RNGTT: variants seen among roughly 807,000 people sequenced by gnomAD.
RNGTT encodes RNA guanylyltransferase and 5'-phosphatase, also known as mRNA-capping enzyme.
A neutral mutation model predicts 79.3 loss-of-function variants in RNGTT; 33 were observed. The observed-to-expected ratio is 0.42, with a 90% CI of 0.32 to 0.56. RNGTT has a LOEUF of 0.56. Ranked by LOEUF, RNGTT falls within the 20% of genes least tolerant of loss-of-function variation. RNGTT has a pLI of 0.17. For missense variants in RNGTT, 497 were observed against 739.1 expected (o/e 0.67, Z 3.80); for synonymous variants, 222 against 235.9 (o/e 0.94, Z 0.54).
At position 88,732,730 on chromosome 6, in the gene RNGTT, G is replaced by A. The variant is rs577242605; in HGVS notation, c.1439+37044C>T. On this transcript the variant is annotated intron_variant, in intron 13 of 15. Coordinates refer to ENST00000369485, the MANE Select transcript of RNGTT (RefSeq NM_003800.5). ...CATGAATGAACCTTGAGGATATTAT[G>A]CTAAATGAAATAAGCCAATTCAAAA... Among the ~76,000 whole-genome samples, 315 of 152,278 alleles carry A rather than the reference G, an allele frequency of 2.1e-3. 5 individuals are homozygous for A. Among genetic ancestry groups the A allele is most frequent in the African/African-American group, 7.0e-3 (290 of 41,552 alleles).
intron 12 of RNGTT, among the ~76,000 whole-genome samples, chr6:88,792,705 A>G (rs1464802220): frequency 6.6e-6 from 1 of 152,206 alleles, no homozygotes; most frequent in Admixed American, 6.5e-5. Flanking sequence ...AGTGGAATAC[A>G]TAAGACCACT....
At position 88,720,536 on chromosome 6, in the gene RNGTT, C is replaced by A. The variant is rs1207489655; in HGVS notation, c.1440-42117G>T. Among the ~76,000 whole-genome samples the A allele has an allele frequency of 4.6e-5, 7 of 152,124 alleles. No individual in the cohort carries two copies. The South Asian group carries it at 6.2e-4, about 14-fold the overall frequency. ...ATTAGAAAGAACGACAAAAAACTTA[C>A]CCTCCCAATCATCCTTAATTACCTA... On this transcript the variant is annotated intron_variant, in intron 13 of 15. Transcript: ENST00000369485.
chr6:88,757,995 C>T (rs1229437022), intron 13 of RNGTT, among the ~76,000 whole-genome samples: 4 of 152,272 alleles, frequency 2.6e-5, no homozygotes, highest in African/African-American at 2.4e-5. Context: ...ATACATCAGA[C>T]ACATGGTTAT....
chr6:88,662,683 TG>T (rs889423615), intron 14 of RNGTT, among the ~76,000 whole-genome samples: 5 of 152,230 alleles, frequency 3.3e-5, no homozygotes, highest in African/African-American at 1.2e-4. Context: ...GGAGCATCCC[TG>T]GGGAGGACTC....
At chr6:88,812,379 A>T (rs777731378) in intron 11 of RNGTT, among the ~76,000 whole-genome samples, 1 of 152,178 alleles carries the variant, frequency 6.6e-6, no homozygotes, top group Non-Finnish European at 1.5e-5. Flanking sequence ...CCCTTCATAG[A>T]TCCACAAAGA....
chr6:88,649,490 G>A (rs1386714638), intron 14 of RNGTT, among the ~76,000 whole-genome samples: 1 of 152,196 alleles, frequency 6.6e-6, no homozygotes, highest in Non-Finnish European at 1.5e-5. Context: ...GAGGTCAGGA[G>A]ATCGAGACCA....
At chr6:88,802,428 G>A (rs886911713) in intron 11 of RNGTT, among the ~76,000 whole-genome samples, 1 of 152,078 alleles carries the variant, frequency 6.6e-6, no homozygotes, top group Non-Finnish European at 1.5e-5. Context: ...TAGTTTTAAT[G>A]TATCTCTTTC....
chr6:88,634,271 A>G (rs1773013011), intron 14 of RNGTT, among the ~76,000 whole-genome samples: 1 of 152,180 alleles, frequency 6.6e-6, no homozygotes, highest in Non-Finnish European at 1.5e-5. Context: ...GGATACATGT[A>G]AATAAGGATG....
intron 11 of RNGTT, among the ~76,000 whole-genome samples, chr6:88,817,955 T>C (rs1226863781): frequency 6.6e-6 from 1 of 151,426 alleles, no homozygotes; most frequent in Non-Finnish European, 1.5e-5. Context: ...GAAACGGGGT[T>C]TCACCGTGTT....
At chr6:88,672,877 GA>G (rs1444731796) in intron 14 of RNGTT, among the ~76,000 whole-genome samples, 1 of 152,088 alleles carries the variant, frequency 6.6e-6, no homozygotes, top group African/African-American at 2.4e-5. Context: ...GTAAATAATG[GA>G]AGAGTGTGTG....
intron 1 of RNGTT, among the ~76,000 whole-genome samples, chr6:88,957,207 T>TAG (rs1785462735): frequency 6.6e-6 from 1 of 152,080 alleles, no homozygotes; most frequent in Non-Finnish European, 1.5e-5. Flanking sequence ...CTCAAGGTAA[T>TAG]AGAGCCATAC....
intron 8 of RNGTT, among the ~76,000 whole-genome samples, chr6:88,863,436 C>G (rs1782075199): frequency 6.6e-6 from 1 of 152,120 alleles, no homozygotes; most frequent in South Asian, 2.1e-4. Flanking sequence ...CTGTAACTTT[C>G]ATTTTAATTT....
chr6:88,902,237 A>T (rs1359111666), intron 6 of RNGTT, among the ~76,000 whole-genome samples: 1 of 152,086 alleles, frequency 6.6e-6, no homozygotes, highest in Admixed American at 6.6e-5. Flanking sequence ...GGGGTTTAAG[A>T]TACACATAGA....
At chr6:88,664,097 A>G (rs759914826) in intron 14 of RNGTT, among the ~76,000 whole-genome samples, 2 of 152,138 alleles carry the variant, frequency 1.3e-5, no homozygotes, top group African/African-American at 2.4e-5. Flanking sequence ...AGAGTATGTG[A>G]GGATCCAGCT....
chr6:88,735,584 A>G (rs903188241), intron 13 of RNGTT, among the ~76,000 whole-genome samples: 1 of 146,746 alleles, frequency 6.8e-6, no homozygotes, highest in African/African-American at 2.5e-5. Context: ...AAAAAAAAAG[A>G]AAGAAAGAAA....
chr6:88,882,940 C>G (rs1782736371), intron 8 of RNGTT, among the ~76,000 whole-genome samples: 1 of 152,138 alleles, frequency 6.6e-6, no homozygotes, highest in African/African-American at 2.4e-5. Flanking sequence ...ATTACCCAAT[C>G]TGAGGTATCC....
chr6:88,715,730 T>A (rs1440053437), intron 13 of RNGTT, among the ~76,000 whole-genome samples: 1 of 152,184 alleles, frequency 6.6e-6, no homozygotes, highest in African/African-American at 2.4e-5. Context: ...ATTCCCTATT[T>A]AATAAATGGT....
intron 11 of RNGTT, among the ~76,000 whole-genome samples, chr6:88,833,012 T>A (rs1202590783): frequency 6.6e-6 from 1 of 152,190 alleles, no homozygotes; most frequent in African/African-American, 2.4e-5. Flanking sequence ...TGGAAGACAG[T>A]GTGGCGATTC....
chr6:88,767,973 C>T (rs1478073151), intron 13 of RNGTT, among the ~76,000 whole-genome samples: 1 of 152,050 alleles, frequency 6.6e-6, no homozygotes, highest in East Asian at 1.9e-4. Context: ...AAAGTCATTC[C>T]TGTGTGTGTA....
Sources: gnomAD v4.1 joint callset for allele counts (sites outside exome capture counted in the v4.1 genomes callset) on GRCh38, gnomAD v4.1.1 for gene constraint, MANE v1.5 for transcripts, NCBI Gene and HGNC (gene_info 2026-07-23, HGNC 2026-07-21) for gene names.